PHKA2: variants seen among roughly 807,000 people sequenced by gnomAD.
The protein encoded by PHKA2 is phosphorylase b kinase regulatory subunit alpha, liver isoform.
PHKA2 carries 31 observed loss-of-function variants against 102.0 expected under a neutral mutation model. That is an observed-to-expected ratio of 0.30 (90% confidence interval 0.23 to 0.41). The LOEUF (loss-of-function observed/expected upper bound fraction) is 0.41, where lower values mean the gene tolerates loss of function less well. Ranked by LOEUF, PHKA2 falls within the 10% of genes least tolerant of loss-of-function variation. The pLI, the probability that PHKA2 is intolerant of heterozygous loss-of-function variation, is 1.00. For synonymous variants in PHKA2, 455 were observed against 416.2 expected (o/e 1.09, Z -1.13); for missense variants, 858 against 1,023.1 (o/e 0.84, Z 2.20).
At chrX:18,922,453 CT>C (rs1424922742) in intron 17 of PHKA2, among the ~76,000 whole-genome samples, 2 of 111,116 alleles carry the variant, frequency 1.8e-5, no homozygotes, top group African/African-American at 6.6e-5. Flanking sequence ...CCAGGAGAAG[CT>C]TGGATCAAGG....
At chrX:18,925,888 G>A (rs892934356) in intron 14 of PHKA2, 111 bp from the exon 15 acceptor site, 2 of 550,489 alleles carry the variant, frequency 3.6e-6, no homozygotes, top group South Asian at 2.5e-5. Context: ...ACCCATTTTG[G>A]GGCTTGGTTC....
chrX:18,923,827 G>A (rs189479375), intron 17 of PHKA2, among the ~76,000 whole-genome samples: 1 of 111,840 alleles, frequency 8.9e-6, no homozygotes, highest in African/African-American at 3.2e-5. Context: ...CCCTATGTCC[G>A]AGGCCTCCTG....
intron 4 of PHKA2, 43 bp downstream of exon 4, chrX:18,951,061 A>G (rs2048676005): frequency 8.4e-7 from 1 of 1,190,618 alleles, no homozygotes; most frequent in Non-Finnish European, 1.1e-6. Context: ...CCTTTTCCGG[A>G]TTGTCACTCC....
At chrX:18,897,388 A>T in intron 29 of PHKA2, 55 bp from the exon 30 acceptor site, 3 of 1,133,783 alleles carry the variant, frequency 2.6e-6, no homozygotes, top group Non-Finnish European at 3.6e-6. Flanking sequence ...GCCCCAGGGA[A>T]AGTGCGCCAT....
At chrX:18,938,103 C>A (rs1198818151) in intron 10 of PHKA2, among the ~76,000 whole-genome samples, 1 of 112,854 alleles carries the variant, frequency 8.9e-6, no homozygotes, top group Non-Finnish European at 1.9e-5. Flanking sequence ...CTTTAGCCAA[C>A]AGAATGTGAT....
chrX:18,932,751 C>T (rs1178890192), intron 11 of PHKA2, among the ~76,000 whole-genome samples: 1 of 110,481 alleles, frequency 9.1e-6, no homozygotes, highest in Non-Finnish European at 1.9e-5. Context: ...GATGTTTTGT[C>T]GTGCACAGAA....
intron 11 of PHKA2, among the ~76,000 whole-genome samples, chrX:18,932,395 GT>G (rs1247047776): frequency 9.0e-6 from 1 of 111,089 alleles, no homozygotes; most frequent in Non-Finnish European, 1.9e-5. Flanking sequence ...TGACATTTCA[GT>G]CATCACATCA....
intron 9 of PHKA2, among the ~76,000 whole-genome samples, chrX:18,939,574 AG>A (rs991985404): frequency 8.9e-6 from 1 of 111,924 alleles, no homozygotes; most frequent in African/African-American, 3.3e-5. Flanking sequence ...GCTCAGTGCA[AG>A]CTCCGCCTCC....
chrX:18,900,277 T>C (rs1330120303), intron 28 of PHKA2, among the ~76,000 whole-genome samples: 1 of 111,396 alleles, frequency 9.0e-6, no homozygotes, highest in Non-Finnish European at 1.9e-5. Flanking sequence ...TACATGTTTT[T>C]CCTTCCAGGG....
At chrX:18,936,186 G>A in intron 10 of PHKA2, 36 bp from the exon 11 acceptor site, 1 of 981,182 alleles carries the variant, frequency 1.0e-6, no homozygotes, top group Non-Finnish European at 1.4e-6. Context: ...GCAGGAAGGA[G>A]GTCTGGTCAT....
At chrX:18,903,035 T>C (rs2047727454) in intron 26 of PHKA2, 2 of 112,635 alleles carry the variant, frequency 1.8e-5, no homozygotes, top group Non-Finnish European at 3.7e-5. Context: ...GATATTTTAG[T>C]CATGATTCTT....
At chrX:18,941,380 T>G (rs1030556561) in intron 8 of PHKA2, 149 bp downstream of exon 8, 1 of 569,727 alleles carries the variant, frequency 1.8e-6, no homozygotes, top group Non-Finnish European at 3.0e-6. Context: ...TCGGAGACTT[T>G]GTTTTCTTGC....
At position 18,936,162 on chromosome X, in the gene PHKA2, C is replaced by A; in HGVS notation, c.1042-12G>T. ...CGGTATTCTTGGACCTGGAAAACAG[C>A]CCCATCATCCATGGCAGGAAGGAGG... is the stretch of plus-strand genomic sequence containing the variant. On this transcript the variant is annotated splice_polypyrimidine_tract_variant and intron_variant, in intron 10 of 32. Transcript: ENST00000379942. 8.1e-6 allele frequency: 9 copies of A among 1,112,173 alleles called. No homozygotes were observed. The highest frequency in any genetic ancestry group is 1.1e-5 in the Non-Finnish European group (9 of 807,053). 91.7% of individuals were successfully genotyped at this position (1,112,173 alleles called of 1,213,427 possible).
rs373223607 is a variant in PHKA2 at position 18,906,463 on chromosome X, G to A, written c.2806+32C>T. On this transcript the variant is annotated intron_variant, in intron 25 of 32. Transcript: ENST00000379942. ...TGGCCGGGTGGTTGGGGTGGGGTGCGGCGGGAGCTGCAGGAGCTGCGGGCA... is the reference window on the plus strand; with the variant it reads ...TGGCCGGGTGGTTGGGGTGGGGTGCAGCGGGAGCTGCAGGAGCTGCGGGCA... The A allele has an allele frequency of 7.0e-5, 85 of 1,208,269 alleles. No individual in the cohort carries two copies. In the Middle Eastern group the frequency reaches 1.2e-3, roughly 17 times the overall value.
chrX:18,961,645 G>A (rs1411085794), intron 1 of PHKA2, among the ~76,000 whole-genome samples: 4 of 80,697 alleles, frequency 5.0e-5, no homozygotes, highest in Admixed American at 1.7e-4. Context: ...GGGTAACAGC[G>A]CAAGACTCCA....
chrX:18,971,179 TA>T, intron 1 of PHKA2, among the ~76,000 whole-genome samples: 1 of 112,671 alleles, frequency 8.9e-6, no homozygotes, highest in Non-Finnish European at 1.9e-5. Context: ...CCTTAACTAA[TA>T]CATCTTCTCA....
chrX:18,940,061 AG>A lies in PHKA2; in HGVS notation c.865-14del, dbSNP rs765565598. 2 of 1,171,323 alleles carry A rather than the reference AG, an allele frequency of 1.7e-6. No homozygotes were observed. The highest frequency in any genetic ancestry group is 1.2e-6 in the Non-Finnish European group (1 of 858,671). ...ATCCATAACGCCCCTAATAAGAGAA[AG>A]TACATTCGATGAGCTCAGAGAAATT... On this transcript the variant is annotated splice_polypyrimidine_tract_variant and intron_variant, in intron 8 of 32. Coordinates refer to ENST00000379942, the MANE Select transcript of PHKA2 (RefSeq NM_000292.3).
Position 18,899,159 on chromosome X carries a change from C to T in PHKA2, c.3111+14G>A, listed in dbSNP as rs759056537. 11 of 1,198,376 alleles carry T rather than the reference C, an allele frequency of 9.2e-6. No homozygotes were observed. In the African/African-American group the frequency reaches 1.1e-4, roughly 11 times the overall value. On this transcript the variant is annotated intron_variant, in intron 29 of 32. Coordinates refer to ENST00000379942, the MANE Select transcript of PHKA2 (RefSeq NM_000292.3). Reference sequence around the variant, plus strand: ...GGAGCGGGGACGGACACAATAATCCCGAGGCACTGTTACCGCAGACTTGGA... The same window carrying T: ...GGAGCGGGGACGGACACAATAATCCTGAGGCACTGTTACCGCAGACTTGGA...
At position 18,892,889 on chromosome X, in the gene PHKA2, C is replaced by CAGAG; in HGVS notation, c.*592_*595dup. The CAGAG allele has an allele frequency of 8.8e-6, 1 of 113,720 alleles. No homozygotes were observed. Among genetic ancestry groups the CAGAG allele is most frequent in the Non-Finnish European group, 1.8e-5 (1 of 54,552 alleles). 9.4% of individuals were successfully genotyped at this position (113,720 alleles called of 1,213,427 possible). A position where few individuals can be genotyped will look rare whatever the true frequency, so the allele number is the denominator to read the frequency against. ...AGAGGAATTTTCTAAATCTTGGGGACAGAGAATTATGTTACATCAAGGCAG... is the reference window on the plus strand; with the variant it reads ...AGAGGAATTTTCTAAATCTTGGGGACAGAGAGAGAATTATGTTACATCAAGGCAG... On this transcript the variant is annotated 3_prime_UTR_variant, in exon 33 of 33. Coordinates refer to ENST00000379942, the MANE Select transcript of PHKA2 (RefSeq NM_000292.3).
Sources: allele counts gnomAD v4.1 joint callset (sites outside exome capture counted in the v4.1 genomes callset), GRCh38; gene constraint gnomAD v4.1.1; transcripts MANE v1.5; gene names NCBI Gene and HGNC (gene_info 2026-07-23, HGNC 2026-07-21).